The following FAN1 variants were observed in gnomAD, a reference collection of about 807,000 sequenced individuals.
FAN1 encodes the protein FANCD2 and FANCI associated nuclease 1.
Under a neutral mutation model 104.9 loss-of-function variants are expected in FAN1, and 91 were observed. The observed-to-expected ratio is 0.87, with a 90% confidence interval of 0.73 to 1.03. FAN1 has a LOEUF of 1.03. Ranked by LOEUF, FAN1 falls within the 50% of genes least tolerant of loss-of-function variation. The pLI, the probability that FAN1 is intolerant of heterozygous loss-of-function variation, is 0.00. For missense variants in FAN1, 1,263 were observed against 1,239.9 expected (o/e 1.02, Z -0.28); for synonymous variants, 478 against 457.6 (o/e 1.04, Z -0.57).
rs34395788 is a variant in FAN1 at position 30,919,378 on chromosome 15, C to CAA, written c.1943+1104_1943+1105dup. Among the ~76,000 whole-genome samples, 368 of 75,080 alleles carry CAA rather than the reference C, an allele frequency of 4.9e-3. 4 individuals are homozygous for CAA. The highest frequency in any genetic ancestry group is 0.019 in the African/African-American group (337 of 17,880). The allele number at this position is 75,080 out of a possible 152,430, so 49.3% of individuals were successfully genotyped here. A position where few individuals can be genotyped will look rare whatever the true frequency, so the allele number is the denominator to read the frequency against. On this transcript the variant is annotated intron_variant, in intron 6 of 14. Coordinates refer to ENST00000362065, the MANE Select transcript of FAN1 (RefSeq NM_014967.5). ...CTGGGCCACGAGCAAAACTCCGTCT[C>CAA]AAAAAAAAAAAAAAAAAAAAAATCA... is the stretch of plus-strand genomic sequence containing the variant.
rs1017123091 is a variant in FAN1, at chr15:30,942,485, A to G, written c.*923A>G. 5 of 261,636 alleles carry G rather than the reference A, an allele frequency of 1.9e-5. No individual in the cohort carries two copies. The highest frequency in any genetic ancestry group is 1.1e-4 in the African/African-American group (5 of 44,926). The allele number at this position is 261,636 out of a possible 1,614,324, so 16.2% of individuals were successfully genotyped here. A position where few individuals can be genotyped will look rare whatever the true frequency, so the allele number is the denominator to read the frequency against. ...GTCTGCAAATTTTCTACCAAAAAAA[A>G]TCCCAAGAATTTATTTGGGAATTAT... On this transcript the variant is annotated 3_prime_UTR_variant, in exon 15 of 15. Coordinates refer to ENST00000362065, the MANE Select transcript of FAN1 (RefSeq NM_014967.5).
At chr15:30,908,394 A>C in intron 3 of FAN1, 136 bp downstream of exon 3, 1 of 662,374 alleles carries the variant, frequency 1.5e-6, no homozygotes, top group Non-Finnish European at 2.4e-6. Flanking sequence ...TTGAATTTTT[A>C]ATCTTAGGAC....
chr15:30,928,891 A>G (rs2062541480), intron 11 of FAN1: 1 of 674,728 alleles, frequency 1.5e-6, no homozygotes, highest in Non-Finnish European at 1.8e-6. Flanking sequence ...GACCTTTCGT[A>G]TAAAGTACCA....
intron 13 of FAN1, among the ~76,000 whole-genome samples, chr15:30,936,369 A>G (rs2062852573): frequency 6.6e-6 from 1 of 151,708 alleles, no homozygotes; most frequent in East Asian, 1.9e-4. Context: ...AGTGGAAGTG[A>G]GGGCCTTGGG....
chr15:30,939,098 C>A, intron 14 of FAN1: 1 of 985,422 alleles, frequency 1.0e-6, no homozygotes, highest in Non-Finnish European at 1.2e-6. Flanking sequence ...CAAGTTTTAA[C>A]CACTTGAGGT....
intron 13 of FAN1, among the ~76,000 whole-genome samples, chr15:30,933,185 T>C (rs2140961798): frequency 6.6e-6 from 1 of 152,298 alleles, no homozygotes; most frequent in East Asian, 1.9e-4. Context: ...GTTTCATTTG[T>C]TTTTTTATTT....
Position 30,930,608 on chromosome 15 carries a change from T to A in FAN1, c.2853T>A (p.Phe951Leu). 6.2e-7 allele frequency: 1 copy of A among 1,612,972 alleles called. No homozygotes were observed. The highest frequency in any genetic ancestry group is 8.5e-7 in the Non-Finnish European group (1 of 1,179,588). The change falls in exon 13 of 15, where the codon TTT becomes TTA. Residue 951 changes from phenylalanine to leucine, a missense_variant. Phe to Leu is a conservative substitution (Grantham distance 22, BLOSUM62 0). Around this residue, in one of 2 missense-constraint regions of FAN1, gnomAD observed 581 missense variants for 668.8 expected, o/e 0.87. Coordinates refer to ENST00000362065, the MANE Select transcript of FAN1 (RefSeq NM_014967.5). ...SGVCRHLAAD[F>L]RHCRGGLPDL... The stretch of plus-strand genomic sequence containing the variant: ...TGTGCAGGCACCTGGCTGCTGACTT[T>A]CGACACTGTCGAGGGGGCCTCCCCG...
chr15:30,913,910 GT>G lies in FAN1; in HGVS notation c.1631del (p.Val544GlyfsTer11). On this transcript the variant is annotated frameshift_variant, in exon 5 of 15. Coordinates refer to ENST00000362065, the MANE Select transcript of FAN1 (RefSeq NM_014967.5). LOFTEE classifies it high-confidence loss of function. ...SVRICKGPRAVFSRILLLFSL... is the reference protein window; with the variant it reads ...SVRICKGPRAXFSRILLLFSL... ...ACGAATCTGTAAAGGCCCCAGGGCT[GT>G]GTTTTCCCGCATCTTGCTACTGTTT... 6.2e-7 allele frequency: 1 copy of G among 1,614,186 alleles called. No homozygotes were observed.
intron 6 of FAN1, 115 bp downstream of exon 6, chr15:30,918,410 C>A: frequency 1.9e-6 from 2 of 1,074,380 alleles, no homozygotes; most frequent in Non-Finnish European, 2.7e-6. Flanking sequence ...GTTAAACCAG[C>A]TGTGGAATTG....
chr15:30,919,173 G>C (rs983038770), intron 6 of FAN1, among the ~76,000 whole-genome samples: 1 of 152,124 alleles, frequency 6.6e-6, no homozygotes, highest in Non-Finnish European at 1.5e-5. Flanking sequence ...CTGAGGTCGG[G>C]AGTCTGAGAC....
At chr15:30,924,675 A>C (rs2062414659) in intron 8 of FAN1, among the ~76,000 whole-genome samples, 2 of 152,190 alleles carry the variant, frequency 1.3e-5, no homozygotes, top group Non-Finnish European at 2.9e-5. Flanking sequence ...TCTTGACTGC[A>C]TATGAGATTG....
chr15:30,904,223 G>A (rs1465918557), intron 1 of FAN1, among the ~76,000 whole-genome samples: 1 of 152,210 alleles, frequency 6.6e-6, no homozygotes, highest in Non-Finnish European at 1.5e-5. Flanking sequence ...TACTCATACA[G>A]TGGTCTTGTA....
chr15:30,942,309 T>C lies in FAN1; in HGVS notation c.*747T>C, dbSNP rs550140097. 3.5e-6 allele frequency: 2 copies of C among 576,218 alleles called. No individual in the cohort carries two copies. The highest frequency in any genetic ancestry group is 3.0e-6 in the Non-Finnish European group (1 of 329,486). The allele number at this position is 576,218 out of a possible 1,614,324, so 35.7% of individuals were successfully genotyped here. On this transcript the variant is annotated 3_prime_UTR_variant, in exon 15 of 15. Coordinates refer to ENST00000362065, the MANE Select transcript of FAN1 (RefSeq NM_014967.5). ...AGCCTGAATGGGGGCGGGATGAGAGTACCTCCTATCCACTAATTTGCTTAA... is the reference window on the plus strand; with the variant it reads ...AGCCTGAATGGGGGCGGGATGAGAGCACCTCCTATCCACTAATTTGCTTAA...
In FAN1 at chr15:30,941,799, G is replaced by A. The variant is rs772660299; in HGVS notation, c.*237G>A. ...GTGATGGAGCCACCCAGGCTGATCTGGGCCTCGGGAACCCAGCGGAAGTAG... is the reference window on the plus strand; with the variant it reads ...GTGATGGAGCCACCCAGGCTGATCTAGGCCTCGGGAACCCAGCGGAAGTAG... On this transcript the variant is annotated 3_prime_UTR_variant, in exon 15 of 15. Transcript: ENST00000362065. The A allele has an allele frequency of 1.2e-6, 2 of 1,614,022 alleles. No homozygotes were observed. The highest frequency in any genetic ancestry group is 2.2e-5 in the South Asian group (2 of 91,078).
At position 30,942,729 on chromosome 15, in the gene FAN1, C is replaced by T. The variant is rs1043251; in HGVS notation, c.*1167C>T. The T allele has an allele frequency of 0.83, 579,053 of 697,084 alleles. 241,506 individuals are homozygous for T. Among genetic ancestry groups the T allele is most frequent in the East Asian group, 0.96 (31,455 of 32,844 alleles). The allele number at this position is 697,084 out of a possible 1,614,324, so 43.2% of individuals were successfully genotyped here. On this transcript the variant is annotated 3_prime_UTR_variant, in exon 15 of 15. Coordinates refer to ENST00000362065, the MANE Select transcript of FAN1 (RefSeq NM_014967.5). ...TGGGCCTCAGACACCAGGAAGAAAG[C>T]TGGGATACAGTCATTTGAGTTAAAA...
At chr15:30,926,634 G>A (rs1436144540) in intron 10 of FAN1, 12 of 985,256 alleles carry the variant, frequency 1.2e-5, no homozygotes, top group Non-Finnish European at 1.4e-5. Flanking sequence ...TGGGGAAGAC[G>A]TGCAAATGCC....
rs959731112 is a variant in FAN1 at position 30,941,328 on chromosome 15, CAT to C, written c.*4-237_*4-236del. ...TAAGTGTGAAAGAAGCATGATTCAA[CAT>C]GTTTTTAAATATTAGTGCAAATTCC... On this transcript the variant is annotated intron_variant, in intron 14 of 14. Coordinates refer to ENST00000362065, the MANE Select transcript of FAN1 (RefSeq NM_014967.5). 9 of 1,531,752 alleles carry C rather than the reference CAT, an allele frequency of 5.9e-6. No homozygotes were observed. In the African/African-American group the frequency reaches 1.1e-4, roughly 19 times the overall value. The allele number at this position is 1,531,752 out of a possible 1,614,324, so 94.9% of individuals were successfully genotyped here.
At chr15:30,916,470 G>T (rs577089570) in intron 5 of FAN1, among the ~76,000 whole-genome samples, 1 of 152,232 alleles carries the variant, frequency 6.6e-6, no homozygotes, top group South Asian at 2.1e-4. Flanking sequence ...AGTTCAAAAG[G>T]CATCTCATAT....
At position 30,905,160 on chromosome 15, in the gene FAN1, C is replaced by G. The variant is rs146422014; in HGVS notation, c.497C>G (p.Ala166Gly). ...ASKLSRKYVK[A>G]KKSIDKDEEF... ...AAATTGTCCAGAAAATACGTAAAGG[C>G]TAAAAAATCAATAGATAAGGATGAA... Residue 166 changes from alanine (A) to glycine (G), a missense_variant, in exon 2 of 15, where the codon GCT becomes GGT. By Grantham distance (60) the Ala-to-Gly change is moderately conservative. This residue lies in a region of FAN1 where 682 missense variants were observed against 571.1 expected (regional missense o/e 1.19). Coordinates refer to ENST00000362065, the MANE Select transcript of FAN1 (RefSeq NM_014967.5). 1 of 1,613,720 alleles carries G rather than the reference C, an allele frequency of 6.2e-7. No homozygotes were observed. The highest frequency in any genetic ancestry group is 1.3e-5 in the African/African-American group (1 of 75,006).
Sources: allele counts gnomAD v4.1 joint callset (sites outside exome capture counted in the v4.1 genomes callset), GRCh38; gene constraint gnomAD v4.1.1; regional missense constraint gnomAD v4.1.1; transcripts MANE v1.5; gene names NCBI Gene and HGNC (gene_info 2026-07-23, HGNC 2026-07-21).